The following NRXN3 variants were observed in gnomAD, a reference collection of about 807,000 sequenced individuals.
NRXN3 encodes neurexin 3, also known as neurexin III.
A neutral mutation model predicts 137.6 loss-of-function variants in NRXN3; 32 were observed. That is an observed-to-expected ratio of 0.23 (90% CI 0.18 to 0.31). The LOEUF is 0.31. Ranked by LOEUF, NRXN3 falls within the 10% of genes least tolerant of loss-of-function variation. The pLI, the probability that NRXN3 is intolerant of heterozygous loss-of-function variation, is 1.00. For synonymous variants in NRXN3, 798 were observed against 784.5 expected, an observed-to-expected ratio of 1.02 and a Z score of -0.29; for missense variants, 1,574 against 2,062.5, an observed-to-expected ratio of 0.76 and a Z score of 4.59.
At chr14:79,258,283 C>T (rs777558286) in intron 15 of NRXN3, among the ~76,000 whole-genome samples, 5 of 152,108 alleles carry the variant, frequency 3.3e-5, no homozygotes, top group Non-Finnish European at 5.9e-5. Context: ...CTGTTACCTC[C>T]GCCTCCCAGG....
chr14:79,611,073 C>T (rs2098092681), intron 16 of NRXN3, among the ~76,000 whole-genome samples: 2 of 152,258 alleles, frequency 1.3e-5, no homozygotes, highest in South Asian at 4.1e-4. Flanking sequence ...AATGCGTCAA[C>T]TTTTGGAAAG....
chr14:79,706,419 C>CTTTTTTTTTT (rs919138966), intron 19 of NRXN3, among the ~76,000 whole-genome samples: 4 of 115,974 alleles, frequency 3.4e-5, no homozygotes, highest in Non-Finnish European at 3.6e-5. Context: ...GGCTTTTTTA[C>CTTTTTTTTTT]TTTTTTTTTT....
At chr14:79,710,148 T>C (rs957807394) in intron 19 of NRXN3, among the ~76,000 whole-genome samples, 5 of 152,168 alleles carry the variant, frequency 3.3e-5, no homozygotes, top group Admixed American at 3.3e-4. Flanking sequence ...GGCTTCTGAT[T>C]TTTTTCCCTA....
intron 10 of NRXN3, among the ~76,000 whole-genome samples, chr14:78,889,324 C>T (rs766557655): frequency 6.6e-6 from 1 of 151,970 alleles, no homozygotes; most frequent in Non-Finnish European, 1.5e-5. Context: ...TTCCATCTTT[C>T]TGTAAATGGC....
At chr14:79,298,086 T>A (rs2084498274) in intron 15 of NRXN3, among the ~76,000 whole-genome samples, 1 of 152,034 alleles carries the variant, frequency 6.6e-6, no homozygotes, top group South Asian at 2.1e-4. Flanking sequence ...TTATTTAAGT[T>A]CCTCATTTCT....
intron 10 of NRXN3, among the ~76,000 whole-genome samples, chr14:78,819,440 T>C (rs10143330): frequency 0.044 from 6,715 of 152,246 alleles, 364 homozygotes; most frequent in African/African-American, 0.13. Flanking sequence ...TTAAATATTA[T>C]AAGTAATTTA....
At chr14:78,883,264 C>A (rs576619854) in intron 10 of NRXN3, among the ~76,000 whole-genome samples, 6 of 152,286 alleles carry the variant, frequency 3.9e-5, no homozygotes, top group African/African-American at 1.4e-4. Flanking sequence ...GATGTGTTTA[C>A]AGACATCTTC....
At chr14:78,988,182 G>T in intron 15 of NRXN3, 41 bp downstream of exon 15, 1 of 1,611,828 alleles carries the variant, frequency 6.2e-7, no homozygotes, top group Non-Finnish European at 8.5e-7. Flanking sequence ...TTGTGAAGAT[G>T]TTTGGAGATT....
At chr14:79,812,722 C>T (rs527632527) in intron 20 of NRXN3, among the ~76,000 whole-genome samples, 80 of 152,234 alleles carry the variant, frequency 5.3e-4, no homozygotes, top group African/African-American at 1.9e-3. Flanking sequence ...GGGGACTTCA[C>T]ATATACAGTA....
chr14:79,554,042 GC>G (rs2097402644), intron 16 of NRXN3, among the ~76,000 whole-genome samples: 1 of 152,172 alleles, frequency 6.6e-6, no homozygotes, highest in African/African-American at 2.4e-5. Context: ...CAGTTGTAAT[GC>G]GCATTGTCTA....
At position 78,651,281 on chromosome 14, in the gene NRXN3, G is replaced by T; in HGVS notation, c.1176G>T (p.Leu392Phe). The T allele has an allele frequency of 1.2e-6, 2 of 1,614,064 alleles. No homozygotes were observed. Among genetic ancestry groups the T allele is most frequent in the Non-Finnish European group, 1.7e-6 (2 of 1,179,972 alleles). Residue 392 changes from leucine (L) to phenylalanine (F), a missense_variant, in exon 6 of 21, where the codon TTG becomes TTT. Physicochemically the swap from Leu to Phe is conservative, Grantham distance 22. This residue lies in a region of NRXN3 where 400 missense variants were observed against 527.3 expected (regional missense o/e 0.76). Coordinates refer to ENST00000335750, the MANE Select transcript of NRXN3 (RefSeq NM_001330195.2). Reference sequence around the variant, plus strand: ...GAGGAAGCCCAAGTACCGCTGACTTGCCTGGCTCCCCTGTCAGCAACAACT... The same window carrying T: ...GAGGAAGCCCAAGTACCGCTGACTTTCCTGGCTCCCCTGTCAGCAACAACT... ...YVGGSPSTAD[L>F]PGSPVSNNFM... is the part of the protein sequence containing the mutation.
intron 3 of NRXN3, among the ~76,000 whole-genome samples, chr14:78,296,284 T>G (rs1367557588): frequency 2.0e-5 from 3 of 152,142 alleles, no homozygotes; most frequent in Non-Finnish European, 4.4e-5. Context: ...CAGGCTGGTT[T>G]CGAACTCCTG....
At chr14:78,651,466 G>A in intron 6 of NRXN3, 140 bp downstream of exon 6, 1 of 1,005,554 alleles carries the variant, frequency 9.9e-7, no homozygotes, top group Non-Finnish European at 1.4e-6. Flanking sequence ...GAACTTGGAA[G>A]TAGGTGTCCT....
At chr14:79,358,790 A>C (rs1599127860) in intron 15 of NRXN3, among the ~76,000 whole-genome samples, 2 of 151,956 alleles carry the variant, frequency 1.3e-5, no homozygotes, top group African/African-American at 4.8e-5. Context: ...GAACTGTTTG[A>C]CCGTCACATC....
intron 4 of NRXN3, among the ~76,000 whole-genome samples, chr14:78,634,520 A>T (rs1050260527): frequency 1.3e-5 from 2 of 152,236 alleles, no homozygotes; most frequent in African/African-American, 4.8e-5. Context: ...GGCAGCAGAG[A>T]TTTAACTTTT....
At position 78,175,103 on chromosome 14, in the gene NRXN3, C is replaced by T. The variant is rs548332085; in HGVS notation, c.-704+4429C>T. On this transcript the variant is annotated intron_variant, in intron 1 of 20. Transcript: ENST00000335750. Reference sequence around the variant, plus strand: ...CCTGGGCTCTGGCTGCCTTAACTACCGGACGCCATTTTCCCATCTTCAGCT... The same window carrying T: ...CCTGGGCTCTGGCTGCCTTAACTACTGGACGCCATTTTCCCATCTTCAGCT... Among the ~76,000 whole-genome samples, 13 of 152,296 alleles carry T rather than the reference C, an allele frequency of 8.5e-5. No homozygotes were observed. The East Asian group carries it at 1.4e-3, about 16-fold the overall frequency.
intron 20 of NRXN3, chr14:79,854,035 T>TC: frequency 1.0e-6 from 1 of 984,766 alleles, no homozygotes; most frequent in Non-Finnish European, 1.2e-6. Flanking sequence ...CCCTGTATCA[T>TC]CCTCTGTTGT....
intron 10 of NRXN3, among the ~76,000 whole-genome samples, chr14:78,854,736 G>A (rs2099052068): frequency 6.6e-6 from 1 of 152,066 alleles, no homozygotes; most frequent in African/African-American, 2.4e-5. Flanking sequence ...CCTCAAAATA[G>A]GTTTTTGCTA....
At chr14:79,705,979 TATAA>T (rs1372090523) in intron 19 of NRXN3, among the ~76,000 whole-genome samples, 1 of 149,672 alleles carries the variant, frequency 6.7e-6, no homozygotes, top group African/African-American at 2.4e-5. Flanking sequence ...GGTTGAAAGG[TATAA>T]ATAGTCAACC....
Sources: gnomAD v4.1 joint callset for allele counts (sites outside exome capture counted in the v4.1 genomes callset) on GRCh38, gnomAD v4.1.1 for gene constraint, gnomAD v4.1.1 regional missense constraint, MANE v1.5 for transcripts, NCBI Gene and HGNC (gene_info 2026-07-23, HGNC 2026-07-21) for gene names.